The following LRRIQ1 variants were observed in gnomAD, a reference collection of about 807,000 sequenced individuals.
LRRIQ1 encodes the protein leucine-rich repeat- and IQ domain-containing protein 1.
A neutral mutation model predicts 211.9 loss-of-function variants in LRRIQ1; 210 were observed. That is an observed-to-expected ratio of 0.99 (90% CI 0.89 to 1.11). The LOEUF is 1.11. Among genes scored for constraint, LRRIQ1 ranks in the 50% most tolerant of loss-of-function variants. The pLI, the probability that LRRIQ1 is intolerant of heterozygous loss-of-function variation, is 0.00. For missense variants in LRRIQ1, 2,136 were observed against 1,939.5 expected (o/e 1.10, Z -1.90); for synonymous variants, 699 against 650.1 (o/e 1.08, Z -1.14).
chr12:85,212,329 GA>G (rs907540463), intron 24 of LRRIQ1, among the ~76,000 whole-genome samples: 3 of 150,978 alleles, frequency 2.0e-5, no homozygotes, highest in Admixed American at 1.3e-4. Context: ...GAAAAGAAAA[GA>G]AAAAAAACAG....
At chr12:85,182,809 G>A (rs1023102275) in intron 24 of LRRIQ1, among the ~76,000 whole-genome samples, 3 of 152,086 alleles carry the variant, frequency 2.0e-5, no homozygotes, top group African/African-American at 7.2e-5. Context: ...CATGGGTTTG[G>A]GTTAATCATC....
intron 24 of LRRIQ1, chr12:85,162,844 G>A: frequency 2.2e-6 from 1 of 452,478 alleles, no homozygotes; most frequent in Admixed American, 2.4e-5. Context: ...TGAGTTTTAT[G>A]TATTTACCAG....
intron 11 of LRRIQ1, 117 bp from the exon 12 acceptor site, chr12:85,098,238 G>A (rs529940530): frequency 4.7e-6 from 3 of 641,174 alleles, no homozygotes; most frequent in Non-Finnish European, 7.8e-6. Flanking sequence ...GTCCTCACTT[G>A]TAATTAATGA....
chr12:85,190,633 G>A (rs967871922), intron 24 of LRRIQ1, among the ~76,000 whole-genome samples: 7 of 151,424 alleles, frequency 4.6e-5, no homozygotes, highest in East Asian at 1.9e-4. Flanking sequence ...TCTGATGGGC[G>A]TTTCAGACTG....
rs1885438442 is a variant in LRRIQ1 at position 85,091,964 on chromosome 12, C to T, written c.2888-6391C>T. Among the ~76,000 whole-genome samples, 4 of 152,100 alleles carry T rather than the reference C, an allele frequency of 2.6e-5. No individual in the cohort carries two copies. In the South Asian group the frequency reaches 8.3e-4, roughly 32 times the overall value. On this transcript the variant is annotated intron_variant, in intron 11 of 26. Transcript: ENST00000393217. ...ATCTTTGTCTGTATTTACAATGGCT[C>T]ACTGCTGTTTGCATTACTGCCTGAG...
At chr12:85,067,819 GA>G (rs1276845267) in intron 10 of LRRIQ1, among the ~76,000 whole-genome samples, 5 of 151,408 alleles carry the variant, frequency 3.3e-5, no homozygotes, top group Non-Finnish European at 5.9e-5. Flanking sequence ...AAGAGAAAAT[GA>G]AAAAAAAGAA....
intron 24 of LRRIQ1, among the ~76,000 whole-genome samples, chr12:85,207,380 A>G (rs1409937849): frequency 6.6e-6 from 1 of 152,138 alleles, no homozygotes; most frequent in Non-Finnish European, 1.5e-5. Context: ...CCTGAAAAAA[A>G]AATTATTATT....
At chr12:85,085,120 C>A (rs186447736) in intron 11 of LRRIQ1, among the ~76,000 whole-genome samples, 1 of 151,872 alleles carries the variant, frequency 6.6e-6, no homozygotes, top group East Asian at 1.9e-4. Context: ...GTGTTTCCCC[C>A]GCCCCCCAAT....
At chr12:85,070,560 A>G (rs939601007) in intron 10 of LRRIQ1, among the ~76,000 whole-genome samples, 5 of 151,910 alleles carry the variant, frequency 3.3e-5, no homozygotes, top group African/African-American at 1.2e-4. Flanking sequence ...AGTGGTGCCA[A>G]CTTGTTTTTT....
chr12:85,148,787 T>C (rs925278429), intron 19 of LRRIQ1, among the ~76,000 whole-genome samples: 2 of 152,042 alleles, frequency 1.3e-5, no homozygotes, highest in Non-Finnish European at 2.9e-5. Context: ...GTGTTCCTAT[T>C]TCTCCACAGC....
intron 19 of LRRIQ1, among the ~76,000 whole-genome samples, chr12:85,146,971 C>T (rs1889933784): frequency 6.6e-6 from 1 of 151,730 alleles, no homozygotes; most frequent in Non-Finnish European, 1.5e-5. Flanking sequence ...TAGGAAGTGA[C>T]TGCAAGAATA....
At chr12:85,079,437 C>G (rs1016726607) in intron 11 of LRRIQ1, among the ~76,000 whole-genome samples, 9 of 151,696 alleles carry the variant, frequency 5.9e-5, no homozygotes, top group African/African-American at 1.9e-4. Context: ...GTTGGCCAGA[C>G]TGGTCTCGAA....
chr12:85,245,134 T>A, downstream of LRRIQ1: 1 of 981,696 alleles, frequency 1.0e-6, no homozygotes, highest in African/African-American at 1.7e-5. Flanking sequence ...TAATTGTATT[T>A]GGGGCTTCAA....
chr12:85,070,380 G>A (rs1298348506), intron 10 of LRRIQ1, among the ~76,000 whole-genome samples: 1 of 151,970 alleles, frequency 6.6e-6, no homozygotes, highest in African/African-American at 2.4e-5. Flanking sequence ...CAGAGGATGT[G>A]ATTTGTGAAT....
chr12:85,200,806 T>G (rs1893250269), intron 24 of LRRIQ1, among the ~76,000 whole-genome samples: 1 of 152,080 alleles, frequency 6.6e-6, no homozygotes, highest in Admixed American at 6.6e-5. Context: ...TTGTTGATCA[T>G]GATGGCTTAG....
chr12:85,046,163 T>A, intron 5 of LRRIQ1, 26 bp downstream of exon 5: 1 of 1,314,136 alleles, frequency 7.6e-7, no homozygotes, highest in Non-Finnish European at 1.1e-6. Flanking sequence ...CAATGATATG[T>A]TTGTTGATTT....
At chr12:85,151,079 AC>A (rs1477407890) in intron 19 of LRRIQ1, among the ~76,000 whole-genome samples, 6 of 151,458 alleles carry the variant, frequency 4.0e-5, no homozygotes, top group African/African-American at 1.2e-4. Context: ...CTCTCATATA[AC>A]TGACAAATAG....
intron 18 of LRRIQ1, among the ~76,000 whole-genome samples, chr12:85,130,939 G>A (rs1190383308): frequency 1.3e-5 from 2 of 151,950 alleles, no homozygotes; most frequent in African/African-American, 4.8e-5. Context: ...GCCGGGCGCA[G>A]TGGCTCATGC....
chr12:85,130,111 A>G (rs1888648331), intron 18 of LRRIQ1, among the ~76,000 whole-genome samples: 1 of 152,198 alleles, frequency 6.6e-6, no homozygotes, highest in Non-Finnish European at 1.5e-5. Context: ...TCAGCTCTTA[A>G]TATTAAAGAC....
Sources: gnomAD v4.1 joint callset for allele counts (sites outside exome capture counted in the v4.1 genomes callset) on GRCh38, gnomAD v4.1.1 for gene constraint, MANE v1.5 for transcripts, NCBI Gene and HGNC (gene_info 2026-07-23, HGNC 2026-07-21) for gene names.